CATSPERE: variants seen among roughly 807,000 people sequenced by gnomAD.
CATSPERE encodes cation channel sperm-associated auxiliary subunit epsilon.
In CATSPERE, 93 loss-of-function variants were observed where a neutral mutation model predicts 114.1. The observed-to-expected ratio is 0.81, with a 90% CI of 0.69 to 0.97. The LOEUF is 0.97. CATSPERE is among the 50% of genes least tolerant of loss of function. The probability of loss-of-function intolerance (pLI) is 0.00; values close to 1 mark genes in which losing one functional copy is unlikely to be tolerated. For missense variants in CATSPERE, 1,058 were observed against 1,131.6 expected (o/e 0.93, Z 0.93); for synonymous variants, 341 against 384.1 (o/e 0.89, Z 1.31).
chr1:244,564,556 A>G (rs1183083577), intron 10 of CATSPERE, among the ~76,000 whole-genome samples: 1 of 151,594 alleles, frequency 6.6e-6, no homozygotes, highest in Non-Finnish European at 1.5e-5. Context: ...TCTGTCTGTT[A>G]TTGGTCTATA....
At chr1:244,576,495 CT>C (rs1304430350) in intron 11 of CATSPERE, among the ~76,000 whole-genome samples, 1 of 149,574 alleles carries the variant, frequency 6.7e-6, no homozygotes, top group Non-Finnish European at 1.5e-5. Flanking sequence ...AGCATCCTTT[CT>C]GCAGAAAGTA....
intron 21 of CATSPERE, among the ~76,000 whole-genome samples, chr1:244,638,866 A>C (rs1229899884): frequency 6.6e-6 from 1 of 152,192 alleles, no homozygotes; most frequent in African/African-American, 2.4e-5. Context: ...TTCGGCCATT[A>C]ATTTTGTGAA....
chr1:244,552,648 C>T lies in CATSPERE; in HGVS notation c.863C>T (p.Ala288Val). 1 of 1,614,138 alleles carries T rather than the reference C, an allele frequency of 6.2e-7. No homozygotes were observed. Among genetic ancestry groups the T allele is most frequent in the Non-Finnish European group, 8.5e-7 (1 of 1,180,036 alleles). ...ILSDDERRSVAHVILSRDGIV... is the reference protein window; with the variant it reads ...ILSDDERRSVVHVILSRDGIV... ...AGTGATGATGAAAGACGGAGTGTGG[C>T]TCATGTGATCTTATCGCGGGATGGA... Residue 288 changes from alanine (A) to valine (V), a missense_variant, in exon 9 of 22, where the codon GCT becomes GTT. Ala to Val is a moderately conservative substitution (Grantham distance 64). Coordinates refer to ENST00000366534, the MANE Select transcript of CATSPERE (RefSeq NM_001130957.2).
chr1:244,495,320 A>G (rs371866170), intron 6 of CATSPERE, among the ~76,000 whole-genome samples: 5 of 152,308 alleles, frequency 3.3e-5, no homozygotes, highest in Admixed American at 6.5e-5. Flanking sequence ...AAAAGTAGTG[A>G]AAAAGGGGTG....
Position 244,572,618 on chromosome 1 carries a change from TG to T in CATSPERE, c.1798del (p.Asp600ThrfsTer6), listed in dbSNP as rs776223947. On this transcript the variant is annotated frameshift_variant, in exon 11 of 22. Coordinates refer to ENST00000366534, the MANE Select transcript of CATSPERE (RefSeq NM_001130957.2). LOFTEE classifies it high-confidence loss of function. The stretch of plus-strand genomic sequence containing the variant: ...AATGTTGCTCATGTTTTTTACTTTT[TG>T]GACAAGGGAGAGGCTCTGACAGTTT... ...HNNVAHVFYF[L>X]DKGEALTVWT... 1.2e-5 allele frequency: 19 copies of T among 1,614,020 alleles called. No homozygotes were observed. Among genetic ancestry groups the T allele is most frequent in the Admixed American group, 1.7e-5 (1 of 60,008 alleles).
At chr1:244,572,973 A>G (rs1268288876) in intron 11 of CATSPERE, among the ~76,000 whole-genome samples, 1 of 151,792 alleles carries the variant, frequency 6.6e-6, no homozygotes, top group African/African-American at 2.4e-5. Context: ...CCTCTTTGCC[A>G]CCTAATAACA....
upstream of CATSPERE, among the ~76,000 whole-genome samples, chr1:244,460,841 G>A (rs1460230606): frequency 2.0e-5 from 3 of 152,246 alleles, no homozygotes; most frequent in African/African-American, 4.8e-5. Context: ...TTGAACGCCG[G>A]AGGCGGAGGT....
intron 8 of CATSPERE, among the ~76,000 whole-genome samples, chr1:244,522,722 C>A (rs539481301): frequency 1.3e-5 from 2 of 152,264 alleles, no homozygotes; most frequent in African/African-American, 4.8e-5. Flanking sequence ...CGCAAATGAA[C>A]TAGAAAATCT....
chr1:244,579,948 C>T (rs561421288), intron 11 of CATSPERE, among the ~76,000 whole-genome samples: 25 of 152,188 alleles, frequency 1.6e-4, no homozygotes, highest in East Asian at 3.9e-4. Context: ...AAGCACCTGG[C>T]GCATACTAAG....
At chr1:244,478,074 T>TAA in intron 4 of CATSPERE, 99 bp downstream of exon 4, 1 of 887,362 alleles carries the variant, frequency 1.1e-6, no homozygotes, top group Non-Finnish European at 1.8e-6. Flanking sequence ...CAATCTAATT[T>TAA]AACCTGTTTT....
intron 8 of CATSPERE, among the ~76,000 whole-genome samples, chr1:244,529,413 T>A (rs1679241581): frequency 6.6e-6 from 1 of 152,252 alleles, no homozygotes; most frequent in Non-Finnish European, 1.5e-5. Context: ...TCTCTAATGA[T>A]CAGTGATGTT....
At chr1:244,602,389 T>C (rs1459633025) in intron 17 of CATSPERE, among the ~76,000 whole-genome samples, 1 of 152,178 alleles carries the variant, frequency 6.6e-6, no homozygotes, top group Admixed American at 6.5e-5. Context: ...CTTGAATCAA[T>C]CAAGCTTTGA....
At chr1:244,610,180 T>G in intron 18 of CATSPERE, 60 bp from the exon 19 acceptor site, 1 of 1,078,838 alleles carries the variant, frequency 9.3e-7, no homozygotes, top group South Asian at 1.5e-5. Flanking sequence ...ATTAAATACT[T>G]AGGAATAAGT....
At chr1:244,590,391 T>C (rs1667569122) in intron 14 of CATSPERE, among the ~76,000 whole-genome samples, 1 of 152,212 alleles carries the variant, frequency 6.6e-6, no homozygotes, top group African/African-American at 2.4e-5. Context: ...AGTTTTTTTG[T>C]GTGTGCATGT....
In CATSPERE at chr1:244,504,166, T is replaced by C. The variant is rs543279832; in HGVS notation, c.429+5087T>C. On this transcript the variant is annotated intron_variant, in intron 7 of 21. Transcript: ENST00000366534. This position sits in a 1 kb window ranked among gnomAD's most constrained non-coding sequence, Gnocchi z 4.1. ...TAACAAATAAAAGAGCACACAAATA[T>C]CCAGCTATTTATCTGCACTTGAAAT... 2.6e-5 allele frequency among the ~76,000 whole-genome samples: 4 copies of C among 152,318 alleles called. No individual in the cohort carries two copies. Among genetic ancestry groups the C allele is most frequent in the African/African-American group, 4.8e-5 (2 of 41,576 alleles).
intron 9 of CATSPERE, among the ~76,000 whole-genome samples, chr1:244,555,210 C>T (rs1337228865): frequency 1.3e-5 from 2 of 151,960 alleles, no homozygotes; most frequent in African/African-American, 2.4e-5. Context: ...TATGGTGTAA[C>T]CCCATCTCTA....
chr1:244,490,512 C>A, intron 6 of CATSPERE, 41 bp downstream of exon 6: 2 of 1,140,844 alleles, frequency 1.8e-6, no homozygotes, highest in Non-Finnish European at 2.6e-6. Context: ...TCATATATCA[C>A]TAGTATATTG....
chr1:244,456,685 A>G (rs1666191721), upstream of CATSPERE, among the ~76,000 whole-genome samples: 1 of 152,236 alleles, frequency 6.6e-6, no homozygotes, highest in East Asian at 1.9e-4. Context: ...AAATCATTTG[A>G]TTTACCTACT....
chr1:244,615,252 A>AG (rs1218362467), intron 19 of CATSPERE, among the ~76,000 whole-genome samples: 4 of 151,958 alleles, frequency 2.6e-5, no homozygotes, highest in African/African-American at 9.7e-5. Context: ...AAAAAAAAAA[A>AG]AAAAAGACAA....
Sources: allele counts gnomAD v4.1 joint callset (sites outside exome capture counted in the v4.1 genomes callset), GRCh38; gene constraint gnomAD v4.1.1; non-coding constraint Gnocchi (gnomAD v3.1); transcripts MANE v1.5; gene names NCBI Gene and HGNC (gene_info 2026-07-23, HGNC 2026-07-21).